Variants in SPAG16 observed in about 807,000 individuals in gnomAD.
SPAG16 encodes the protein sperm associated antigen 16, also known as sperm-associated antigen 16 protein.
Under a neutral mutation model 80.4 loss-of-function variants are expected in SPAG16, and 86 were observed. The observed-to-expected ratio is 1.07, with a 90% CI of 0.90 to 1.28. The LOEUF (loss-of-function observed/expected upper bound fraction) is 1.28. Ranked by LOEUF, SPAG16 falls within the 50% of genes most tolerant of loss-of-function variation. The pLI is 0.00. For synonymous variants in SPAG16, 294 were observed against 265.9 expected, an observed-to-expected ratio of 1.11 and a Z score of -1.03; for missense variants, 870 against 765.3, an observed-to-expected ratio of 1.14 and a Z score of -1.61.
At chr2:213,628,915 C>T (rs2062048719) in intron 10 of SPAG16, among the ~76,000 whole-genome samples, 1 of 152,042 alleles carries the variant, frequency 6.6e-6, no homozygotes. Context: ...TTGTATTAAG[C>T]ACTATGGTAG....
chr2:213,765,770 A>AG (rs754599251), intron 10 of SPAG16, among the ~76,000 whole-genome samples: 1 of 152,188 alleles, frequency 6.6e-6, no homozygotes, highest in Non-Finnish European at 1.5e-5. Flanking sequence ...CTGAAGTACT[A>AG]GGGGGGTTCT....
At chr2:213,583,092 G>T (rs1438489483) in intron 10 of SPAG16, among the ~76,000 whole-genome samples, 3 of 152,046 alleles carry the variant, frequency 2.0e-5, no homozygotes, top group Admixed American at 6.6e-5. Flanking sequence ...TATGACTACT[G>T]TATATGCCAC....
chr2:213,653,116 CTT>C (rs1398717819), intron 10 of SPAG16, among the ~76,000 whole-genome samples: 1 of 150,610 alleles, frequency 6.6e-6, no homozygotes, highest in Non-Finnish European at 1.5e-5. Context: ...TCAAAGAAGT[CTT>C]TTTTTACAGC....
intron 9 of SPAG16, among the ~76,000 whole-genome samples, chr2:213,415,737 G>A (rs1241384712): frequency 6.6e-6 from 1 of 152,188 alleles, no homozygotes; most frequent in East Asian, 1.9e-4. Flanking sequence ...GGTTTATGAC[G>A]TGAGGGAATT....
chr2:214,111,964 A>C (rs2053687411), intron 14 of SPAG16, among the ~76,000 whole-genome samples: 1 of 152,128 alleles, frequency 6.6e-6, no homozygotes, highest in Non-Finnish European at 1.5e-5. Context: ...TGATTTTTGC[A>C]CATTGATTTT....
At chr2:213,369,495 A>G (rs959418194) in intron 8 of SPAG16, among the ~76,000 whole-genome samples, 2 of 152,182 alleles carry the variant, frequency 1.3e-5, no homozygotes, top group East Asian at 3.9e-4. Flanking sequence ...ATATTTGTCA[A>G]AACACACCTA....
chr2:214,047,552 T>A (rs1473388155), intron 13 of SPAG16, among the ~76,000 whole-genome samples: 1 of 152,168 alleles, frequency 6.6e-6, no homozygotes, highest in Non-Finnish European at 1.5e-5. Context: ...CAAAATGGAT[T>A]AAAGACTTAA....
At chr2:213,593,435 G>A (rs1206599847) in intron 10 of SPAG16, among the ~76,000 whole-genome samples, 2 of 152,044 alleles carry the variant, frequency 1.3e-5, no homozygotes, top group Non-Finnish European at 2.9e-5. Context: ...TTCTGCTTAT[G>A]AGCTCTTAAT....
intron 10 of SPAG16, among the ~76,000 whole-genome samples, chr2:213,567,383 TC>T (rs2059810672): frequency 1.2e-5 from 1 of 82,438 alleles, no homozygotes; most frequent in South Asian, 5.0e-4. Context: ...CCCTCCCCCC[TC>T]CCCCGACCCC....
At chr2:214,268,578 T>C (rs970161129) in intron 15 of SPAG16, among the ~76,000 whole-genome samples, 2 of 151,906 alleles carry the variant, frequency 1.3e-5, no homozygotes, top group Non-Finnish European at 2.9e-5. Flanking sequence ...GGACCAACCA[T>C]GTCATCCAAA....
intron 10 of SPAG16, among the ~76,000 whole-genome samples, chr2:213,629,096 G>C (rs1278508173): frequency 2.0e-5 from 3 of 152,170 alleles, no homozygotes; most frequent in African/African-American, 7.2e-5. Context: ...CAAAGGACTG[G>C]AGAAAAAGTA....
intron 15 of SPAG16, among the ~76,000 whole-genome samples, chr2:214,405,663 G>A (rs964633419): frequency 2.0e-5 from 3 of 152,098 alleles, no homozygotes; most frequent in Non-Finnish European, 4.4e-5. Flanking sequence ...TGGCCGTGGT[G>A]GCAGGCATCT....
At chr2:213,469,995 A>C (rs2072987226) in intron 9 of SPAG16, among the ~76,000 whole-genome samples, 1 of 152,154 alleles carries the variant, frequency 6.6e-6, no homozygotes, top group Non-Finnish European at 1.5e-5. Flanking sequence ...GGGAACAGGA[A>C]GCAAGAATTT....
At chr2:213,664,068 T>A (rs2125193476) in intron 10 of SPAG16, among the ~76,000 whole-genome samples, 1 of 152,146 alleles carries the variant, frequency 6.6e-6, no homozygotes, top group East Asian at 1.9e-4. Context: ...AGAATTAGAT[T>A]TTTTGCCTTT....
At chr2:214,172,456 T>A (rs1486992643) in intron 15 of SPAG16, among the ~76,000 whole-genome samples, 2 of 152,156 alleles carry the variant, frequency 1.3e-5, no homozygotes, top group Non-Finnish European at 2.9e-5. Context: ...CTGCATAGTA[T>A]TCCATGGTGT....
intron 10 of SPAG16, among the ~76,000 whole-genome samples, chr2:213,539,169 T>C (rs59750241): frequency 0.098 from 14,982 of 152,170 alleles, 1,345 homozygotes; most frequent in African/African-American, 0.24. Context: ...CTCTTAAATA[T>C]TATAAATTCC....
intron 10 of SPAG16, among the ~76,000 whole-genome samples, chr2:213,764,289 A>T (rs2068816226): frequency 6.6e-6 from 1 of 151,430 alleles, no homozygotes; most frequent in African/African-American, 2.4e-5. Context: ...AATGCTTGGA[A>T]TTTTTTTTCT....
chr2:213,329,131 C>G (rs1299175483), intron 5 of SPAG16, among the ~76,000 whole-genome samples: 4 of 152,154 alleles, frequency 2.6e-5, no homozygotes, highest in Non-Finnish European at 5.9e-5. Context: ...TCAGGTATGT[C>G]TTTATCAGCA....
intron 10 of SPAG16, among the ~76,000 whole-genome samples, chr2:213,643,012 T>A (rs1458101155): frequency 6.7e-6 from 1 of 149,516 alleles, no homozygotes; most frequent in East Asian, 2.0e-4. Flanking sequence ...TCATGTGAGT[T>A]AATACTTAAT....
Sources: allele counts gnomAD v4.1 joint callset (sites outside exome capture counted in the v4.1 genomes callset), GRCh38; gene constraint gnomAD v4.1.1; transcripts MANE v1.5; gene names NCBI Gene and HGNC (gene_info 2026-07-23, HGNC 2026-07-21).